Variants in CACNA2D1 observed in about 807,000 individuals in gnomAD.
CACNA2D1 encodes the protein voltage-dependent calcium channel subunit alpha-2/delta-1.
A neutral mutation model predicts 171.5 loss-of-function variants in CACNA2D1; 53 were observed. The observed-to-expected ratio is 0.31, with a 90% CI of 0.25 to 0.39. The LOEUF is 0.39. Among genes scored for constraint, CACNA2D1 ranks in the 10% least tolerant of loss-of-function variants. The pLI, the probability that CACNA2D1 is intolerant of heterozygous loss-of-function variation, is 1.00. For missense variants in CACNA2D1, 903 were observed against 1,299.8 expected (o/e 0.69, Z 4.69); for synonymous variants, 442 against 443.1 (o/e 1.00, Z 0.03).
intron 1 of CACNA2D1, among the ~76,000 whole-genome samples, chr7:82,379,647 A>G (rs1823462448): frequency 1.3e-5 from 2 of 152,164 alleles, no homozygotes; most frequent in Admixed American, 6.5e-5. Flanking sequence ...AAATTAATAC[A>G]TATCTTGAAC....
chr7:82,168,683 AAATT>A (rs1795713635), intron 4 of CACNA2D1, among the ~76,000 whole-genome samples: 1 of 147,802 alleles, frequency 6.8e-6, no homozygotes, highest in African/African-American at 2.4e-5. Context: ...TTATGTCTAG[AAATT>A]AATAAATAAT....
At chr7:82,209,434 C>A (rs1800334826) in intron 3 of CACNA2D1, among the ~76,000 whole-genome samples, 1 of 152,122 alleles carries the variant, frequency 6.6e-6, no homozygotes, top group Admixed American at 6.6e-5. Context: ...GAAAAGAGAG[C>A]CACAATAGAC....
At chr7:82,176,827 T>C (rs1236435009) in intron 3 of CACNA2D1, among the ~76,000 whole-genome samples, 2 of 152,132 alleles carry the variant, frequency 1.3e-5, no homozygotes, top group East Asian at 3.9e-4. Flanking sequence ...AGGGACCTTA[T>C]ATTCATATAC....
chr7:82,392,679 A>G (rs1164212565), intron 1 of CACNA2D1, among the ~76,000 whole-genome samples: 1 of 152,178 alleles, frequency 6.6e-6, no homozygotes, highest in African/African-American at 2.4e-5. Flanking sequence ...CTGCATCAAC[A>G]TGTTCAATCA....
At chr7:82,330,315 A>T (rs1227776703) in intron 3 of CACNA2D1, among the ~76,000 whole-genome samples, 4 of 152,174 alleles carry the variant, frequency 2.6e-5, no homozygotes, top group Admixed American at 2.0e-4. Flanking sequence ...GATAGGATTA[A>T]CAATTTAATC....
chr7:82,154,548 C>G (rs1382221624), intron 4 of CACNA2D1, among the ~76,000 whole-genome samples: 1 of 151,918 alleles, frequency 6.6e-6, no homozygotes, highest in Non-Finnish European at 1.5e-5. Context: ...CACATGTATA[C>G]CTAAGTAAAA....
At chr7:82,314,688 A>C (rs953793139) in intron 3 of CACNA2D1, among the ~76,000 whole-genome samples, 7 of 152,158 alleles carry the variant, frequency 4.6e-5, no homozygotes, top group African/African-American at 1.7e-4. Flanking sequence ...AATATTTACC[A>C]ATTTTAATTG....
At chr7:82,252,626 T>A (rs1455195154) in intron 3 of CACNA2D1, among the ~76,000 whole-genome samples, 2 of 152,126 alleles carry the variant, frequency 1.3e-5, no homozygotes. Flanking sequence ...GCGTGGTGGC[T>A]CACGCCTGTA....
At chr7:82,050,588 T>C in intron 10 of CACNA2D1, 4 of 702,764 alleles carry the variant, frequency 5.7e-6, no homozygotes, top group Admixed American at 4.0e-5. Flanking sequence ...TTACTCTGCA[T>C]TGAAAATCTC....
chr7:81,965,614 G>C lies in CACNA2D1; in HGVS notation c.2554C>G (p.His852Asp). The C allele has an allele frequency of 6.3e-7, 1 of 1,583,480 alleles. No homozygotes were observed. The highest frequency in any genetic ancestry group is 8.7e-7 in the Non-Finnish European group (1 of 1,152,858). ...DDGGFLLMAN[H>D]DDYTNQIGRF... ...CATACCTGATTAGTATAATCATCAT[G>C]ATTTGCCATCAGAAGAAACCCACCA... The change falls in exon 32 of 39, where the codon CAT becomes GAT. Residue 852 changes from histidine (H) to aspartate (D), a missense_variant. Physicochemically the swap from His to Asp is moderately conservative, Grantham distance 81. Transcript: ENST00000356860.
chr7:82,407,839 A>C (rs1218900012), intron 1 of CACNA2D1, among the ~76,000 whole-genome samples: 1 of 152,124 alleles, frequency 6.6e-6, no homozygotes, highest in African/African-American at 2.4e-5. Flanking sequence ...GATATAGCCC[A>C]TCTATCCCTG....
intron 26 of CACNA2D1, 39 bp downstream of exon 26, chr7:81,971,738 G>A (rs757974632): frequency 1.8e-6 from 2 of 1,121,258 alleles, no homozygotes; most frequent in Non-Finnish European, 2.7e-6. Context: ...AAATTGAAAT[G>A]CAGAATACAT....
At chr7:82,321,994 C>T (rs1343918329) in intron 3 of CACNA2D1, among the ~76,000 whole-genome samples, 5 of 149,278 alleles carry the variant, frequency 3.3e-5, no homozygotes, top group Admixed American at 1.3e-4. Flanking sequence ...GGCGTAGTGG[C>T]GGGCGCCTGT....
chr7:82,122,095 G>A (rs1276197972), intron 5 of CACNA2D1, among the ~76,000 whole-genome samples: 1 of 152,162 alleles, frequency 6.6e-6, no homozygotes, highest in East Asian at 1.9e-4. Context: ...AACAGTCTGA[G>A]ATATGTAGAT....
intron 24 of CACNA2D1, among the ~76,000 whole-genome samples, chr7:81,978,866 G>T (rs1167937920): frequency 6.7e-6 from 1 of 149,512 alleles, no homozygotes; most frequent in African/African-American, 2.5e-5. Flanking sequence ...CTTAACATAT[G>T]TTAATTGAAG....
intron 3 of CACNA2D1, among the ~76,000 whole-genome samples, chr7:82,208,097 CT>C (rs1293400466): frequency 2.0e-5 from 3 of 152,090 alleles, no homozygotes; most frequent in African/African-American, 7.2e-5. Context: ...AAGAATGGTG[CT>C]TCTATAATAT....
intron 1 of CACNA2D1, among the ~76,000 whole-genome samples, chr7:82,383,970 C>T (rs1295783520): frequency 6.6e-6 from 1 of 152,158 alleles, no homozygotes; most frequent in Non-Finnish European, 1.5e-5. Flanking sequence ...GCCAAAGCAG[C>T]TGCTGCAAAA....
At chr7:82,124,794 T>C (rs976611366) in intron 5 of CACNA2D1, among the ~76,000 whole-genome samples, 2 of 152,182 alleles carry the variant, frequency 1.3e-5, no homozygotes, top group African/African-American at 4.8e-5. Context: ...CCTCCACCGG[T>C]AACACCTAGA....
chr7:82,011,303 T>C (rs1799745662), intron 15 of CACNA2D1, among the ~76,000 whole-genome samples: 1 of 152,124 alleles, frequency 6.6e-6, no homozygotes, highest in Non-Finnish European at 1.5e-5. Flanking sequence ...AATAACATAA[T>C]GTTTTAAGAA....
Sources: allele counts gnomAD v4.1 joint callset (sites outside exome capture counted in the v4.1 genomes callset), GRCh38; gene constraint gnomAD v4.1.1; transcripts MANE v1.5; gene names NCBI Gene and HGNC (gene_info 2026-07-23, HGNC 2026-07-21).